HECTD4: variants seen among roughly 807,000 people sequenced by gnomAD.
The protein encoded by HECTD4 is probable E3 ubiquitin-protein ligase HECTD4.
HECTD4 carries 114 observed loss-of-function variants against 471.5 expected under a neutral mutation model. The ratio of observed to expected loss-of-function variants is 0.24; its 90% CI spans 0.21 to 0.28. The LOEUF (loss-of-function observed/expected upper bound fraction) is 0.28. HECTD4 is among the 10% of genes least tolerant of loss of function. HECTD4 has a pLI of 1.00. For synonymous variants in HECTD4, 2,012 were observed against 2,256.0 expected (o/e 0.89, Z 3.07); for missense variants, 3,866 against 5,651.5 (o/e 0.68, Z 10.13).
intron 23 of HECTD4, among the ~76,000 whole-genome samples, chr12:112,251,380 A>G (rs577558994): frequency 6.6e-6 from 1 of 152,384 alleles, no homozygotes; most frequent in East Asian, 1.9e-4. Context: ...ACAATAGTAC[A>G]AATCAAATAA....
intron 7 of HECTD4, among the ~76,000 whole-genome samples, chr12:112,299,873 A>C (rs550927238): frequency 8.5e-5 from 13 of 152,300 alleles, no homozygotes; most frequent in African/African-American, 2.9e-4. Flanking sequence ...TATTTCCTCC[A>C]AGGCAGGTAT....
intron 52 of HECTD4, among the ~76,000 whole-genome samples, chr12:112,205,037 G>A (rs2135536286): frequency 6.6e-6 from 1 of 150,756 alleles, no homozygotes; most frequent in East Asian, 2.0e-4. Context: ...GGAGGTTGAG[G>A]CAGGAGAATT....
At chr12:112,321,484 G>A (rs1423794967) in intron 1 of HECTD4, among the ~76,000 whole-genome samples, 2 of 152,226 alleles carry the variant, frequency 1.3e-5, no homozygotes, top group Non-Finnish European at 2.9e-5. Flanking sequence ...CAATAGAGGT[G>A]CCTGGTTCAC....
At chr12:112,317,956 CAAAAAAA>C (rs59773169) in intron 2 of HECTD4, among the ~76,000 whole-genome samples, 37 of 22,232 alleles carry the variant, frequency 1.7e-3, no homozygotes, top group Admixed American at 5.8e-3. Flanking sequence ...GACCCCATCT[CAAAAAAA>C]AAAAAAAAAA....
Position 112,235,257 on chromosome 12 carries a change from G to C in HECTD4, c.5735C>G (p.Thr1912Arg). Reference protein sequence around the residue: ...LADYVVPGCQTVLSPTASEPD... With the variant: ...LADYVVPGCQRVLSPTASEPD... The stretch of plus-strand genomic sequence containing the variant: ...TTCAGAAGCGGTTGGAGAAAGAACT[G>C]TCTGACATCCTTTAAGCAAAAAACA... The change falls in exon 37 of 76, where the codon ACA becomes AGA. Residue 1912 changes from threonine to arginine, a missense_variant. By Grantham distance (71) the Thr-to-Arg change is moderately conservative (BLOSUM62 -1). This residue lies in a region of HECTD4 where 617 missense variants were observed against 915.1 expected (regional missense o/e 0.67). Coordinates refer to ENST00000682272, the MANE Select transcript of HECTD4 (RefSeq NM_001388303.1). The surrounding 1 kb of genome is among the most constrained non-coding windows in gnomAD (Gnocchi z 5.0). 1 of 1,612,224 alleles carries C rather than the reference G, an allele frequency of 6.2e-7. No homozygotes were observed. The highest frequency in any genetic ancestry group is 8.5e-7 in the Non-Finnish European group (1 of 1,179,158).
chr12:112,190,223 A>C (rs1241503747), intron 60 of HECTD4, among the ~76,000 whole-genome samples: 1 of 152,198 alleles, frequency 6.6e-6, no homozygotes, highest in Non-Finnish European at 1.5e-5. Flanking sequence ...TTCATCCACA[A>C]ACCCATCTTA....
At chr12:112,212,865 G>C (rs1248854918) in intron 48 of HECTD4, among the ~76,000 whole-genome samples, 1 of 152,044 alleles carries the variant, frequency 6.6e-6, no homozygotes, top group African/African-American at 2.4e-5. Context: ...GTGCCATCTC[G>C]GCTCACTGCA....
intron 66 of HECTD4, among the ~76,000 whole-genome samples, chr12:112,174,501 G>C (rs559035309): frequency 6.6e-6 from 1 of 151,880 alleles, no homozygotes; most frequent in Non-Finnish European, 1.5e-5. Context: ...TGATCCACCC[G>C]CCTCAGCCTC....
intron 7 of HECTD4, among the ~76,000 whole-genome samples, chr12:112,288,131 C>T (rs566307958): frequency 6.6e-6 from 1 of 151,316 alleles, no homozygotes; most frequent in South Asian, 2.1e-4. Context: ...GAGTTCGAGA[C>T]CAGCCTGGCC....
chr12:112,267,092 C>A, intron 13 of HECTD4, 110 bp from the exon 14 acceptor site: 1 of 664,830 alleles, frequency 1.5e-6, no homozygotes, highest in Admixed American at 2.7e-5. Flanking sequence ...TGAGGGCAAT[C>A]TGGCTGCGAC....
In HECTD4 at chr12:112,308,988, T is replaced by C; in HGVS notation, c.1026-97A>G. On this transcript the variant is annotated intron_variant, in intron 5 of 75. Coordinates refer to ENST00000682272, the MANE Select transcript of HECTD4 (RefSeq NM_001388303.1). ...ACAAACAACATTTTCGACCTAATTT[T>C]AAAAAATGAGTAAGTATGTAAAACA... 4.7e-6 allele frequency: 6 copies of C among 1,267,366 alleles called. No individual in the cohort carries two copies. In the South Asian group the frequency reaches 7.7e-5, roughly 16 times the overall value. The allele number at this position is 1,267,366 out of a possible 1,614,324, so 78.5% of individuals were successfully genotyped here. A position where few individuals can be genotyped will look rare whatever the true frequency, so the allele number is the denominator to read the frequency against.
intron 9 of HECTD4, among the ~76,000 whole-genome samples, chr12:112,276,605 G>A (rs901712917): frequency 2.0e-5 from 3 of 152,002 alleles, no homozygotes; most frequent in Non-Finnish European, 4.4e-5. Flanking sequence ...GCGCCACCAC[G>A]CCCAGCTAAT....
chr12:112,315,346 T>A (rs1195045193), intron 2 of HECTD4, among the ~76,000 whole-genome samples: 1 of 152,220 alleles, frequency 6.6e-6, no homozygotes, highest in African/African-American at 2.4e-5. Flanking sequence ...TAAACGCCAA[T>A]AGAAATGGAA....
At position 112,335,143 on chromosome 12, in the gene HECTD4, T is replaced by TACACACACACACACACACACACACACAC. The variant is rs144839031; in HGVS notation, c.178-15402_178-15401insGTGTGTGTGTGTGTGTGTGTGTGTGTGT. On this transcript the variant is annotated intron_variant, in intron 1 of 75. Coordinates refer to ENST00000682272, the MANE Select transcript of HECTD4 (RefSeq NM_001388303.1). ...CAACAAGTGGATAAAGAAACTGTGA[T>TACACACACACACACACACACACACACAC]ACACACACACACACACACACACAGA... Among the ~76,000 whole-genome samples, 612 of 146,852 alleles carry TACACACACACACACACACACACACACAC rather than the reference T, an allele frequency of 4.2e-3. 7 individuals carry two copies. Among genetic ancestry groups the TACACACACACACACACACACACACACAC allele is most frequent in the African/African-American group, 0.015 (579 of 39,464 alleles).
At chr12:112,170,156 T>C (rs1014356245) in intron 69 of HECTD4, 177 bp downstream of exon 69, 158 of 845,022 alleles carry the variant, frequency 1.9e-4, no homozygotes, top group African/African-American at 5.1e-5. Flanking sequence ...GCTATGCCCC[T>C]TCCCTGAGCT....
intron 1 of HECTD4, among the ~76,000 whole-genome samples, chr12:112,367,612 G>C (rs1482041383): frequency 6.6e-6 from 1 of 151,678 alleles, no homozygotes; most frequent in African/African-American, 2.4e-5. Flanking sequence ...CTGAGGTCAG[G>C]AGTTCAAGAC....
At chr12:112,249,847 A>G (rs2033841123) in intron 25 of HECTD4, 3 of 392,340 alleles carry the variant, frequency 7.6e-6, no homozygotes, top group Non-Finnish European at 1.4e-5. Context: ...TCAAATGGGA[A>G]ACTTGTTAAG....
At chr12:112,280,060 T>C (rs1299680486) in intron 8 of HECTD4, among the ~76,000 whole-genome samples, 1 of 152,174 alleles carries the variant, frequency 6.6e-6, no homozygotes, top group Non-Finnish European at 1.5e-5. Flanking sequence ...CTTGGTTTTT[T>C]TTTCCCATTT....
intron 26 of HECTD4, 47 bp from the exon 27 acceptor site, chr12:112,248,218 C>T: frequency 6.4e-7 from 1 of 1,552,568 alleles, no homozygotes; most frequent in Non-Finnish European, 8.8e-7. Flanking sequence ...AAGTATGATT[C>T]AAAATTTTAG....
Sources: allele counts gnomAD v4.1 joint callset (sites outside exome capture counted in the v4.1 genomes callset), GRCh38; gene constraint gnomAD v4.1.1; regional missense constraint gnomAD v4.1.1; non-coding constraint Gnocchi (gnomAD v3.1); transcripts MANE v1.5; gene names NCBI Gene and HGNC (gene_info 2026-07-23, HGNC 2026-07-21).